ZNF462: variants seen among roughly 807,000 people sequenced by gnomAD.
ZNF462 encodes zinc finger protein 462, also known as zinc finger PBX1-interacting protein.
A neutral mutation model predicts 201.9 loss-of-function variants in ZNF462; 10 were observed. The observed-to-expected ratio is 0.05, with a 90% confidence interval of 0.03 to 0.08. The LOEUF is 0.08. ZNF462 is among the 10% of genes least tolerant of loss of function. The pLI is 1.00. For missense variants in ZNF462, 2,523 were observed against 3,168.3 expected (o/e 0.80, Z 4.89); for synonymous variants, 1,227 against 1,193.3 (o/e 1.03, Z -0.58).
At chr9:106,916,233 T>C (rs1829768280) in intron 1 of ZNF462, among the ~76,000 whole-genome samples, 1 of 152,202 alleles carries the variant, frequency 6.6e-6, no homozygotes, top group Non-Finnish European at 1.5e-5. Flanking sequence ...TATGTTTGGC[T>C]GAATCTTGTG....
intron 10 of ZNF462, among the ~76,000 whole-genome samples, chr9:106,990,080 C>T (rs1477656098): frequency 6.6e-6 from 1 of 151,796 alleles, no homozygotes; most frequent in East Asian, 1.9e-4. Flanking sequence ...TCCCTTAACA[C>T]TGCCTTTGCT....
At chr9:106,873,367 A>G (rs1827682564) in intron 1 of ZNF462, among the ~76,000 whole-genome samples, 1 of 152,198 alleles carries the variant, frequency 6.6e-6, no homozygotes, top group South Asian at 2.1e-4. Context: ...TATCAAACTC[A>G]GAAAAAAAGG....
rs1028614504 is a variant in ZNF462 at position 106,930,014 on chromosome 9, A to G, written c.5847+255A>G. On this transcript the variant is annotated intron_variant, in intron 3 of 12. Coordinates refer to ENST00000277225, the MANE Select transcript of ZNF462 (RefSeq NM_021224.6). The surrounding 1 kb of genome is among the most constrained non-coding windows in gnomAD (Gnocchi z 5.8). ...CCAGGGGAGGTTTGGGGTGGTTTCT[A>G]TGTATGTCTTTCTGCCAAGTAGCTT... is the stretch of plus-strand genomic sequence containing the variant. Among the ~76,000 whole-genome samples the G allele has an allele frequency of 6.6e-6, 1 of 151,720 alleles. No individual in the cohort carries two copies. Among genetic ancestry groups the G allele is most frequent in the African/African-American group, 2.4e-5 (1 of 41,274 alleles).
At chr9:106,960,801 A>G (rs1831799481) in intron 7 of ZNF462, among the ~76,000 whole-genome samples, 1 of 152,118 alleles carries the variant, frequency 6.6e-6, no homozygotes, top group South Asian at 2.1e-4. Context: ...GAAAAAACAA[A>G]CACACACATT....
chr9:106,941,597 T>A (rs922004308), intron 7 of ZNF462, among the ~76,000 whole-genome samples: 1 of 152,238 alleles, frequency 6.6e-6, no homozygotes, highest in Non-Finnish European at 1.5e-5. Flanking sequence ...CAAAAGTCAT[T>A]GGGCCTGTAC....
rs183140784 is a variant in ZNF462, at chr9:106,935,146, C to T, written c.6117-357C>T. ...TAGAGGACTAATTGATAGGCACTCT[C>T]ACTGGCTTGGCAGGAAGCTTGAATT... On this transcript the variant is annotated intron_variant, in intron 5 of 12. Coordinates refer to ENST00000277225, the MANE Select transcript of ZNF462 (RefSeq NM_021224.6). The surrounding 1 kb of genome is among the most constrained non-coding windows in gnomAD (Gnocchi z 4.1). Among the ~76,000 whole-genome samples the T allele has an allele frequency of 5.6e-4, 85 of 152,346 alleles. No individual in the cohort carries two copies. The highest frequency in any genetic ancestry group is 2.0e-3 in the African/African-American group (84 of 41,590).
At chr9:106,979,894 C>A (rs982612311) in intron 9 of ZNF462, among the ~76,000 whole-genome samples, 1 of 152,108 alleles carries the variant, frequency 6.6e-6, no homozygotes, top group Admixed American at 6.5e-5. Flanking sequence ...CTTTAATTGG[C>A]ATATTAACTT....
rs1831313043 is a variant in ZNF462, at chr9:106,950,876, A to C, written c.6427+11769A>C. Among the ~76,000 whole-genome samples, 1 of 152,118 alleles carries C rather than the reference A, an allele frequency of 6.6e-6. No individual in the cohort carries two copies. The highest frequency in any genetic ancestry group is 2.4e-5 in the African/African-American group (1 of 41,436). Reference sequence around the variant, plus strand: ...AGGCCAAGGCAGGCGGATTGCCTGAAGTCAGGAGTTCAAGACCAGCCTGGC... The same window carrying C: ...AGGCCAAGGCAGGCGGATTGCCTGACGTCAGGAGTTCAAGACCAGCCTGGC... On this transcript the variant is annotated intron_variant, in intron 7 of 12. Coordinates refer to ENST00000277225, the MANE Select transcript of ZNF462 (RefSeq NM_021224.6). This position sits in a 1 kb window ranked among gnomAD's most constrained non-coding sequence, Gnocchi z 4.1.
intron 7 of ZNF462, among the ~76,000 whole-genome samples, chr9:106,942,533 G>A (rs1032760671): frequency 6.6e-6 from 1 of 152,182 alleles, no homozygotes; most frequent in Admixed American, 6.5e-5. Context: ...AATGGGCAAT[G>A]ACATGTAATT....
chr9:106,966,739 A>C lies in ZNF462; in HGVS notation c.6428-5266A>C, dbSNP rs1426456709. 6.6e-6 allele frequency among the ~76,000 whole-genome samples: 1 copy of C among 152,132 alleles called. No homozygotes were observed. Among genetic ancestry groups the C allele is most frequent in the African/African-American group, 2.4e-5 (1 of 41,444 alleles). ...AAATATTTGCTGAATGAATGGGTGTAATTGAATCATTTGCCCCTTGGCCAC... is the reference window on the plus strand; with the variant it reads ...AAATATTTGCTGAATGAATGGGTGTCATTGAATCATTTGCCCCTTGGCCAC... On this transcript the variant is annotated intron_variant, in intron 7 of 12. Coordinates refer to ENST00000277225, the MANE Select transcript of ZNF462 (RefSeq NM_021224.6). This position sits in a 1 kb window ranked among gnomAD's most constrained non-coding sequence, Gnocchi z 4.4.
intron 1 of ZNF462, among the ~76,000 whole-genome samples, chr9:106,914,020 C>T (rs1347886946): frequency 8.1e-6 from 1 of 123,914 alleles, no homozygotes; most frequent in South Asian, 2.9e-4. Flanking sequence ...CACATGCCTT[C>T]GCCTAGGATT....
rs761806439 is a variant in ZNF462 at position 106,880,376 on chromosome 9, T to C, written c.-31+17021T>C. On this transcript the variant is annotated intron_variant, in intron 1 of 12. Transcript: ENST00000277225. This position sits in a 1 kb window ranked among gnomAD's most constrained non-coding sequence, Gnocchi z 4.1. The stretch of plus-strand genomic sequence containing the variant: ...GCAGAAATGAATTCCTTCTTTCAGC[T>C]ACCTTACCACTTGTTTTCCATAGTT... Among the ~76,000 whole-genome samples the C allele has an allele frequency of 2.6e-5, 4 of 152,258 alleles. No individual in the cohort carries two copies. The highest frequency in any genetic ancestry group is 5.9e-5 in the Non-Finnish European group (4 of 68,042).
chr9:107,001,701 A>G (rs997875737), intron 10 of ZNF462, among the ~76,000 whole-genome samples: 1 of 152,166 alleles, frequency 6.6e-6, no homozygotes, highest in Non-Finnish European at 1.5e-5. Flanking sequence ...ATCAGGATTC[A>G]TAATTGACCT....
chr9:106,936,492 G>C (rs2131593221), intron 6 of ZNF462, among the ~76,000 whole-genome samples: 1 of 152,284 alleles, frequency 6.6e-6, no homozygotes, highest in South Asian at 2.1e-4. Context: ...GGATTTTGTT[G>C]AACTGACTTA....
chr9:106,930,717 T>C lies in ZNF462; in HGVS notation c.6012+28T>C. ...GAGAACTGGAAGGTCTGGATGAGCA[T>C]TGTGTGTGAGCGATTCGAGTTACTT... On this transcript the variant is annotated intron_variant, in intron 4 of 12. Coordinates refer to ENST00000277225, the MANE Select transcript of ZNF462 (RefSeq NM_021224.6). This position sits in a 1 kb window ranked among gnomAD's most constrained non-coding sequence, Gnocchi z 5.8. 1 of 1,612,382 alleles carries C rather than the reference T, an allele frequency of 6.2e-7. No homozygotes were observed. The highest frequency in any genetic ancestry group is 1.1e-5 in the South Asian group (1 of 90,988).
At chr9:106,985,614 T>C (rs751838435) in intron 10 of ZNF462, among the ~76,000 whole-genome samples, 1 of 152,212 alleles carries the variant, frequency 6.6e-6, no homozygotes. Flanking sequence ...AAAATATCTA[T>C]TGAGTATTTA....
chr9:106,953,983 C>T (rs1320933895), intron 7 of ZNF462, among the ~76,000 whole-genome samples: 1 of 152,242 alleles, frequency 6.6e-6, no homozygotes, highest in East Asian at 1.9e-4. Context: ...ATCCATCTCC[C>T]TCCTTCCCAT....
chr9:106,868,563 A>G (rs1827447073), intron 1 of ZNF462, among the ~76,000 whole-genome samples: 1 of 152,188 alleles, frequency 6.6e-6, no homozygotes, highest in Admixed American at 6.5e-5. Flanking sequence ...TAGTTATTTA[A>G]TATTCACCAG....
chr9:106,882,581 T>G (rs951205750), intron 1 of ZNF462, among the ~76,000 whole-genome samples: 3 of 152,126 alleles, frequency 2.0e-5, no homozygotes, highest in Non-Finnish European at 2.9e-5. Flanking sequence ...AAAATTTGTT[T>G]GTCGGTAGCT....
Sources: gnomAD v4.1 joint callset for allele counts (sites outside exome capture counted in the v4.1 genomes callset) on GRCh38, gnomAD v4.1.1 for gene constraint, Gnocchi (gnomAD v3.1) non-coding constraint, MANE v1.5 for transcripts, NCBI Gene and HGNC (gene_info 2026-07-23, HGNC 2026-07-21) for gene names.